SLC12A2: variants seen among roughly 807,000 people sequenced by gnomAD.
SLC12A2 encodes the protein solute carrier family 12 member 2.
In SLC12A2, 67 loss-of-function variants were observed where a neutral mutation model predicts 136.3. The ratio of observed to expected loss-of-function variants is 0.49; its 90% CI spans 0.40 to 0.60. SLC12A2 has a LOEUF of 0.60. Among genes scored for constraint, SLC12A2 ranks in the 20% least tolerant of loss-of-function variants. The pLI is 0.00. For missense variants in SLC12A2, 1,322 were observed against 1,534.7 expected, an observed-to-expected ratio of 0.86 and a Z score of 2.32; for synonymous variants, 619 against 562.9, an observed-to-expected ratio of 1.10 and a Z score of -1.41.
chr5:128,174,135 C>T (rs1364705422), intron 19 of SLC12A2, among the ~76,000 whole-genome samples: 3 of 152,118 alleles, frequency 2.0e-5, no homozygotes, highest in African/African-American at 7.2e-5. Flanking sequence ...TTCTCCAGCT[C>T]GTAATTCAAA....
At position 128,114,632 on chromosome 5, in the gene SLC12A2, C is replaced by G. The variant is rs1202037118; in HGVS notation, c.999C>G (p.Ile333Met). 6.2e-7 allele frequency: 1 copy of G among 1,612,830 alleles called. No homozygotes were observed. Among genetic ancestry groups the G allele is most frequent in the African/African-American group, 1.3e-5 (1 of 74,988 alleles). ...VIMMATVVTT[I>M]TGLSTSAIAT... Reference sequence around the variant, plus strand: ...TGATGGCCACTGTTGTGACAACTATCACAGGATTGTCTACTTCAGCAATAG... The same window carrying G: ...TGATGGCCACTGTTGTGACAACTATGACAGGATTGTCTACTTCAGCAATAG... Residue 333 changes from isoleucine (I) to methionine (M), a missense_variant, in exon 4 of 27, where the codon ATC (isoleucine) becomes ATG (methionine). Ile to Met is a conservative substitution (Grantham distance 10, BLOSUM62 1). Transcript: ENST00000262461.
intron 15 of SLC12A2, 115 bp downstream of exon 15, chr5:128,152,920 TAATTATTCAAG>T: frequency 1.5e-6 from 1 of 652,810 alleles, no homozygotes; most frequent in South Asian, 2.0e-5. Context: ...TTGGGCAGTT[TAATTATTCAAG>T]AACAAAATTG....
chr5:128,132,277 G>A (rs563974212), intron 5 of SLC12A2, among the ~76,000 whole-genome samples: 16 of 152,200 alleles, frequency 1.1e-4, no homozygotes, highest in African/African-American at 3.4e-4. Flanking sequence ...GGAGATGGTG[G>A]CTTATATTAA....
At chr5:128,147,376 C>G (rs1762560269) in intron 10 of SLC12A2, among the ~76,000 whole-genome samples, 1 of 151,606 alleles carries the variant, frequency 6.6e-6, no homozygotes, top group East Asian at 1.9e-4. Context: ...GTTAGCAGTT[C>G]ATTACACTCT....
intron 11 of SLC12A2, 122 bp from the exon 12 acceptor site, chr5:128,148,632 G>A: frequency 1.3e-6 from 1 of 745,142 alleles, no homozygotes; most frequent in Non-Finnish European, 2.1e-6. Context: ...ATCTGGGACA[G>A]GATAAAAGAG....
chr5:128,165,702 T>C (rs1763178120), intron 17 of SLC12A2, among the ~76,000 whole-genome samples: 1 of 152,160 alleles, frequency 6.6e-6, no homozygotes, highest in South Asian at 2.1e-4. Context: ...GGGAAAGTTA[T>C]TGCAGTAACA....
chr5:128,112,142 G>T (rs992647148), intron 1 of SLC12A2, among the ~76,000 whole-genome samples: 2 of 152,114 alleles, frequency 1.3e-5, no homozygotes, highest in African/African-American at 4.8e-5. Flanking sequence ...GAGAAAGAGA[G>T]AAGTTAGAGA....
At chr5:128,090,716 G>C (rs1416118054) in intron 1 of SLC12A2, among the ~76,000 whole-genome samples, 1 of 152,160 alleles carries the variant, frequency 6.6e-6, no homozygotes, top group Non-Finnish European at 1.5e-5. Flanking sequence ...CTCTAGAAAG[G>C]GGTGACCCCC....
Position 128,180,869 on chromosome 5 carries a change from T to G in SLC12A2, c.3101-14T>G, listed in dbSNP as rs755920584. 1 of 1,428,596 alleles carries G rather than the reference T, an allele frequency of 7.0e-7. No homozygotes were observed. The highest frequency in any genetic ancestry group is 9.8e-7 in the Non-Finnish European group (1 of 1,023,068). The allele number at this position is 1,428,596 out of a possible 1,614,324, so 88.5% of individuals were successfully genotyped here. On this transcript the variant is annotated splice_polypyrimidine_tract_variant and intron_variant, in intron 22 of 26. Coordinates refer to ENST00000262461, the MANE Select transcript of SLC12A2 (RefSeq NM_001046.3). ...TGCATTTAGTAAATGATTTATTACA[T>G]TTTTATAATTCAGGTTTGACCTTAT...
chr5:128,120,154 A>G (rs1159867082), intron 4 of SLC12A2, among the ~76,000 whole-genome samples: 4 of 152,178 alleles, frequency 2.6e-5, no homozygotes, highest in African/African-American at 4.8e-5. Flanking sequence ...CAAAACCACA[A>G]TGAGATACCA....
At chr5:128,184,290 AATTTAAT>A in intron 24 of SLC12A2, 69 bp from the exon 25 acceptor site, 2 of 986,056 alleles carry the variant, frequency 2.0e-6, no homozygotes, top group South Asian at 4.1e-5. Flanking sequence ...TGCAAGTTAC[AATTTAAT>A]ATTTAAGATC....
At chr5:128,115,783 A>G (rs761555835) in intron 4 of SLC12A2, among the ~76,000 whole-genome samples, 2 of 152,150 alleles carry the variant, frequency 1.3e-5, no homozygotes, top group East Asian at 3.9e-4. Flanking sequence ...ACCTGCATCA[A>G]GTATTTGGGT....
At chr5:128,172,393 C>T (rs1483218568) in intron 19 of SLC12A2, among the ~76,000 whole-genome samples, 1 of 151,964 alleles carries the variant, frequency 6.6e-6, no homozygotes, top group Non-Finnish European at 1.5e-5. Flanking sequence ...TTTACAAAGA[C>T]TTGTATGTGG....
At position 128,135,748 on chromosome 5, in the gene SLC12A2, G is replaced by A. The variant is rs554821539; in HGVS notation, c.1348G>A (p.Val450Ile). 6.0e-5 allele frequency: 96 copies of A among 1,612,604 alleles called. 1 individual carries two copies. In the South Asian group the frequency reaches 6.8e-4, roughly 11 times the overall value. The change falls in exon 7 of 27, where the codon GTC becomes ATC. Residue 450 changes from valine (V) to isoleucine (I), a missense_variant. Around this residue, in one of 8 missense-constraint regions of SLC12A2, gnomAD observed 110 missense variants for 114.5 expected, o/e 0.96. Transcript: ENST00000262461. ...CCTACTTCTTGCTATTGGTGATTTCGTCATAGGAACATTTATCCCACTGGA... is the reference window on the plus strand; with the variant it reads ...CCTACTTCTTGCTATTGGTGATTTCATCATAGGAACATTTATCCCACTGGA... Reference protein sequence around the residue: ...VILLLAIGDFVIGTFIPLESK... With the variant: ...VILLLAIGDFIIGTFIPLESK...
At chr5:128,110,514 T>A in intron 1 of SLC12A2, 1 of 1,432,310 alleles carries the variant, frequency 7.0e-7, no homozygotes, top group Non-Finnish European at 9.9e-7. Flanking sequence ...TTAAACATGA[T>A]GAAAACCTGT....
At chr5:128,162,414 TA>T (rs1763070405) in intron 17 of SLC12A2, among the ~76,000 whole-genome samples, 1 of 152,054 alleles carries the variant, frequency 6.6e-6, no homozygotes, top group East Asian at 1.9e-4. Context: ...TAGATCCTTA[TA>T]AAAACCACAC....
chr5:128,161,948 C>A, intron 17 of SLC12A2, 148 bp downstream of exon 17: 1 of 461,810 alleles, frequency 2.2e-6, no homozygotes, highest in Non-Finnish European at 3.7e-6. Context: ...TTTGGCTCAC[C>A]TGGCTAGTTC....
At chr5:128,085,643 T>C (rs1294662296) in intron 1 of SLC12A2, among the ~76,000 whole-genome samples, 2 of 152,246 alleles carry the variant, frequency 1.3e-5, no homozygotes, top group Non-Finnish European at 2.9e-5. Context: ...CCTTTACAAG[T>C]GTGTAATGAC....
chr5:128,085,396 G>T (rs1760064453), intron 1 of SLC12A2, among the ~76,000 whole-genome samples: 1 of 152,048 alleles, frequency 6.6e-6, no homozygotes, highest in Admixed American at 6.5e-5. Context: ...GGAAACAGGA[G>T]AATTGGTTTT....
Sources: allele counts gnomAD v4.1 joint callset (sites outside exome capture counted in the v4.1 genomes callset), GRCh38; gene constraint gnomAD v4.1.1; regional missense constraint gnomAD v4.1.1; transcripts MANE v1.5; gene names NCBI Gene and HGNC (gene_info 2026-07-23, HGNC 2026-07-21).